The following COBL variants were observed in gnomAD, a reference collection of about 807,000 sequenced individuals.
COBL encodes the protein protein cordon-bleu.
COBL carries 51 observed loss-of-function variants against 98.8 expected under a neutral mutation model. That is an observed-to-expected ratio of 0.52 (90% confidence interval 0.41 to 0.65). COBL has a LOEUF of 0.65. Ranked by LOEUF, COBL falls within the 30% of genes least tolerant of loss-of-function variation. COBL has a pLI of 0.00. For missense variants in COBL, 1,617 were observed against 1,617.5 expected (o/e 1.00, Z 0.01); for synonymous variants, 634 against 651.7 (o/e 0.97, Z 0.41).
At chr7:51,074,483 AT>A (rs1279305825) in intron 7 of COBL, among the ~76,000 whole-genome samples, 10 of 152,266 alleles carry the variant, frequency 6.6e-5, no homozygotes, top group Admixed American at 6.5e-4. Context: ...CGTGAAGGTA[AT>A]GATATTTAAT....
At chr7:51,260,475 G>A (rs1024140682) in intron 1 of COBL, among the ~76,000 whole-genome samples, 4 of 152,194 alleles carry the variant, frequency 2.6e-5, no homozygotes, top group African/African-American at 4.8e-5. Flanking sequence ...CCTCCCTGAT[G>A]CAAGTCCATC....
At chr7:51,038,011 C>G (rs141329397) in intron 8 of COBL, among the ~76,000 whole-genome samples, 2 of 152,250 alleles carry the variant, frequency 1.3e-5, no homozygotes, top group African/African-American at 4.8e-5. Context: ...AACAGCACGC[C>G]TGGCTATTTT....
intron 6 of COBL, among the ~76,000 whole-genome samples, chr7:51,128,228 G>A (rs1483724277): frequency 6.6e-6 from 1 of 152,146 alleles, no homozygotes; most frequent in African/African-American, 2.4e-5. Context: ...AGCTCAGCCT[G>A]GTCTGAGACT....
At chr7:51,175,087 T>C (rs950887927) in intron 5 of COBL, among the ~76,000 whole-genome samples, 2 of 152,230 alleles carry the variant, frequency 1.3e-5, no homozygotes, top group Non-Finnish European at 2.9e-5. Context: ...CCCTTTCCAC[T>C]GCTCCCTTTC....
intron 5 of COBL, among the ~76,000 whole-genome samples, chr7:51,141,086 A>G (rs1799700090): frequency 1.3e-5 from 2 of 152,034 alleles, no homozygotes; most frequent in African/African-American, 4.8e-5. Context: ...AGGGACAAAC[A>G]GGAGATGCTG....
intron 2 of COBL, among the ~76,000 whole-genome samples, chr7:51,202,144 G>T (rs1791187633): frequency 6.6e-6 from 1 of 151,846 alleles, no homozygotes; most frequent in African/African-American, 2.4e-5. Flanking sequence ...CTGGTTCTTT[G>T]GATGCCAAAG....
At chr7:51,283,180 G>C (rs1325083276) in intron 1 of COBL, among the ~76,000 whole-genome samples, 1 of 151,992 alleles carries the variant, frequency 6.6e-6, no homozygotes, top group Non-Finnish European at 1.5e-5. Flanking sequence ...CAGAAAAAAG[G>C]CAATAGAAAA....
intron 6 of COBL, among the ~76,000 whole-genome samples, chr7:51,090,029 TTA>T (rs1377823421): frequency 2.6e-5 from 4 of 152,230 alleles, no homozygotes; most frequent in African/African-American, 9.7e-5. Flanking sequence ...CTCTGTAATT[TTA>T]TCTTTTCCTC....
At chr7:51,277,574 G>A (rs75604668) in intron 1 of COBL, among the ~76,000 whole-genome samples, 5,881 of 149,926 alleles carry the variant, frequency 0.039, 176 homozygotes, top group Middle Eastern at 0.12. Flanking sequence ...CCGCCCACCC[G>A]ACTTTGGGCT....
chr7:51,053,681 C>T (rs937649280), intron 7 of COBL, among the ~76,000 whole-genome samples: 1 of 152,208 alleles, frequency 6.6e-6, no homozygotes, highest in African/African-American at 2.4e-5. Flanking sequence ...CCCAAGCGCC[C>T]GTCCCTGTGC....
Position 51,193,409 on chromosome 7 carries a change from C to T in COBL, c.426G>A (p.Lys142=), listed in dbSNP as rs147077056. ...GCACCTTAGGGGGACCAGGCTTAAC[C>T]TTCTCTTCAGGAACTTTTTCTTTCA... ...VFLKEKVPEE[K]VKPGPPKVPE... The change falls in exon 3 of 13, where the codon AAG becomes AAA. Residue 142 remains lysine, a synonymous_variant. Coordinates refer to ENST00000265136, the MANE Select transcript of COBL (RefSeq NM_015198.5). The T allele has an allele frequency of 4.3e-6, 7 of 1,614,066 alleles. No homozygotes were observed. Among genetic ancestry groups the T allele is most frequent in the Admixed American group, 1.7e-5 (1 of 59,996 alleles).
chr7:51,212,276 T>C (rs1468162817), intron 2 of COBL, among the ~76,000 whole-genome samples: 1 of 152,196 alleles, frequency 6.6e-6, no homozygotes, highest in African/African-American at 2.4e-5. Flanking sequence ...GGTTTTCTTT[T>C]GTAGGTGGTT....
At chr7:51,255,769 T>C (rs1584321698) in intron 1 of COBL, among the ~76,000 whole-genome samples, 2 of 152,094 alleles carry the variant, frequency 1.3e-5, no homozygotes, top group East Asian at 2.0e-4. Context: ...CCTCAGGAGG[T>C]TCCGATGACC....
chr7:51,289,542 C>T (rs894160281), intron 1 of COBL, among the ~76,000 whole-genome samples: 1 of 152,246 alleles, frequency 6.6e-6, no homozygotes, highest in Non-Finnish European at 1.5e-5. Flanking sequence ...GCTGATCCTG[C>T]CCATCTGCTC....
chr7:51,236,318 T>C (rs918496551), intron 1 of COBL, among the ~76,000 whole-genome samples: 2 of 152,068 alleles, frequency 1.3e-5, no homozygotes, highest in Non-Finnish European at 2.9e-5. Context: ...TGGGCAGAAA[T>C]GAGAAATCTT....
At chr7:51,122,718 C>G (rs962616348) in intron 6 of COBL, among the ~76,000 whole-genome samples, 3 of 152,188 alleles carry the variant, frequency 2.0e-5, no homozygotes, top group Admixed American at 2.0e-4. Context: ...GTGGCTCACA[C>G]CTGTAATCCC....
intron 6 of COBL, among the ~76,000 whole-genome samples, chr7:51,120,536 T>C (rs1797653069): frequency 6.6e-6 from 1 of 152,190 alleles, no homozygotes; most frequent in South Asian, 2.1e-4. Context: ...AATTGTACAG[T>C]TCAGTAGTGT....
intron 5 of COBL, among the ~76,000 whole-genome samples, chr7:51,143,973 AGG>A (rs1276993230): frequency 6.6e-6 from 1 of 152,158 alleles, no homozygotes; most frequent in African/African-American, 2.4e-5. Context: ...GCTATAGAAG[AGG>A]GTTAAGAGGG....
intron 5 of COBL, among the ~76,000 whole-genome samples, chr7:51,146,045 CT>C (rs1357073096): frequency 6.6e-6 from 1 of 152,152 alleles, no homozygotes; most frequent in African/African-American, 2.4e-5. Flanking sequence ...GGAACAGTGC[CT>C]TAGAGCATCA....
Sources: allele counts gnomAD v4.1 joint callset (sites outside exome capture counted in the v4.1 genomes callset), GRCh38; gene constraint gnomAD v4.1.1; transcripts MANE v1.5; gene names NCBI Gene and HGNC (gene_info 2026-07-23, HGNC 2026-07-21).